Variants in NECAP1 observed in about 807,000 individuals in gnomAD.
NECAP1 encodes NECAP endocytosis associated 1.
Under a neutral mutation model 33.4 loss-of-function variants are expected in NECAP1, and 13 were observed. That is an observed-to-expected ratio of 0.39 (90% confidence interval 0.25 to 0.62). The LOEUF is 0.62. NECAP1 is among the 20% of genes least tolerant of loss of function. NECAP1 has a pLI of 0.52. For missense variants in NECAP1, 272 were observed against 347.4 expected (o/e 0.78, Z 1.73); for synonymous variants, 109 against 125.2 (o/e 0.87, Z 0.86).
Position 8,086,835 on chromosome 12 carries a change from AGGCTGAG to A in NECAP1, c.96-3099_96-3093del, listed in dbSNP as rs1947494589. On this transcript the variant is annotated intron_variant, in intron 1 of 7. Transcript: ENST00000339754. ...GTGCCTGTAATCTCAGCTACTCAGG[AGGCTGAG>A]GCAAGAGAATTGCTTGAACCCGAGG... 2.0e-5 allele frequency among the ~76,000 whole-genome samples: 3 copies of A among 151,782 alleles called. No individual in the cohort carries two copies. In the South Asian group the frequency reaches 6.2e-4, roughly 32 times the overall value.
At position 8,091,973 on chromosome 12, in the gene NECAP1, A is replaced by G. The variant is rs1947549928; in HGVS notation, c.383+123A>G. The G allele has an allele frequency of 6.0e-6, 5 of 834,746 alleles. No individual in the cohort carries two copies. In the South Asian group the frequency reaches 6.6e-5, roughly 11 times the overall value. The allele number at this position is 834,746 out of a possible 1,614,324, so 51.7% of individuals were successfully genotyped here. On this transcript the variant is annotated intron_variant, in intron 4 of 7. Transcript: ENST00000339754. The stretch of plus-strand genomic sequence containing the variant: ...TTTCTTAAACTATTTCATTGTGAAT[A>G]TAAATCTCCCCATTCACTTTTGTTT...
chr12:8,090,357 C>T, intron 3 of NECAP1, 58 bp downstream of exon 3: 1 of 1,399,934 alleles, frequency 7.1e-7, no homozygotes, highest in Non-Finnish European at 1.0e-6. Context: ...AATGCACAGC[C>T]ATGAAAAGTG....
intron 1 of NECAP1, among the ~76,000 whole-genome samples, chr12:8,085,938 C>G (rs12828623): frequency 6.6e-6 from 1 of 152,174 alleles, no homozygotes; most frequent in East Asian, 1.9e-4. Context: ...CTCCTGGCCT[C>G]AGGCAATCCA....
intron 1 of NECAP1, among the ~76,000 whole-genome samples, chr12:8,086,352 T>C (rs192526031): frequency 6.1e-4 from 93 of 152,084 alleles, no homozygotes; most frequent in Middle Eastern, 6.8e-3. Context: ...GTGGCTCATA[T>C]CTGTAATCCC....
At chr12:8,094,210 C>CT (rs1344875320) in intron 6 of NECAP1, among the ~76,000 whole-genome samples, 2 of 152,030 alleles carry the variant, frequency 1.3e-5, no homozygotes, top group Admixed American at 6.6e-5. Context: ...GGGATAGTAT[C>CT]TAAGATTTTT....
At chr12:8,084,244 G>A (rs1947468311) in intron 1 of NECAP1, among the ~76,000 whole-genome samples, 2 of 152,266 alleles carry the variant, frequency 1.3e-5, no homozygotes, top group African/African-American at 4.8e-5. Context: ...CTTTGGCAAA[G>A]AGGTAGCAGT....
chr12:8,089,008 C>T (rs2120473008), intron 1 of NECAP1: 1 of 152,300 alleles, frequency 6.6e-6, no homozygotes, highest in South Asian at 2.1e-4. Context: ...TCTTAATCTT[C>T]CTAATTTGCC....
At chr12:8,090,496 G>T (rs1264643210) in intron 3 of NECAP1, 197 bp downstream of exon 3, 3 of 561,914 alleles carry the variant, frequency 5.3e-6, no homozygotes, top group Non-Finnish European at 9.5e-6. Context: ...TCAAGATGTG[G>T]TAATTCATAT....
chr12:8,084,958 T>C (rs11057149), intron 1 of NECAP1, among the ~76,000 whole-genome samples: 2,007 of 152,270 alleles, frequency 0.013, 71 homozygotes, highest in South Asian at 0.12. Context: ...TACTTCCAAC[T>C]TTAGGAGTTA....
intron 2 of NECAP1, 43 bp downstream of exon 2, chr12:8,090,079 T>A: frequency 6.3e-7 from 1 of 1,586,472 alleles, no homozygotes; most frequent in African/African-American, 1.3e-5. Context: ...AATATTAATT[T>A]GGTGTGCTTT....
chr12:8,090,385 C>G (rs1311997898), intron 3 of NECAP1, 86 bp downstream of exon 3: 1 of 1,211,062 alleles, frequency 8.3e-7, no homozygotes, highest in Non-Finnish European at 1.2e-6. Flanking sequence ...TTGCATTTAT[C>G]TTTCTTTGGT....
At chr12:8,088,276 C>A (rs1947510118) in intron 1 of NECAP1, among the ~76,000 whole-genome samples, 1 of 152,170 alleles carries the variant, frequency 6.6e-6, no homozygotes, top group Non-Finnish European at 1.5e-5. Flanking sequence ...TCAAACTCAG[C>A]ATATTTAAAA....
rs1947562654 is a variant in NECAP1, at chr12:8,092,908, A to C, written c.529A>C (p.Arg177=). The C allele has an allele frequency of 1.3e-6, 2 of 1,583,622 alleles. No individual in the cohort carries two copies. Among genetic ancestry groups the C allele is most frequent in the Non-Finnish European group, 1.7e-6 (2 of 1,166,500 alleles). Residue 177 remains arginine, a synonymous_variant, in exon 6 of 8, where the codon AGG becomes CGG. Coordinates refer to ENST00000339754, the MANE Select transcript of NECAP1 (RefSeq NM_015509.4). ...CAAGAAAGGAGGTGCTTCTAAGCCC[A>C]GGACTGCAAGGGGTGGGGGTCTGAG... The part of the protein sequence containing the change: ...TNKKGGASKP[R]TARGGGLSLL...
intron 1 of NECAP1, chr12:8,082,663 G>C (rs987788396): frequency 2.6e-5 from 11 of 416,992 alleles, no homozygotes; most frequent in Non-Finnish European, 4.9e-5. Flanking sequence ...GCACCCATCT[G>C]CTCCCCATCA....
chr12:8,086,033 A>G (rs938157935), intron 1 of NECAP1, among the ~76,000 whole-genome samples: 2 of 152,126 alleles, frequency 1.3e-5, no homozygotes, highest in Admixed American at 1.3e-4. Context: ...GAGAATGGGC[A>G]TAATGCCTGG....
intron 1 of NECAP1, chr12:8,089,048 C>G (rs1009788871): frequency 1.3e-5 from 2 of 152,168 alleles, no homozygotes; most frequent in Non-Finnish European, 2.9e-5. Flanking sequence ...TTAGAACTCA[C>G]CACTTTCTAA....
chr12:8,084,615 A>T (rs546664566), intron 1 of NECAP1, among the ~76,000 whole-genome samples: 15 of 150,854 alleles, frequency 9.9e-5, no homozygotes, highest in Admixed American at 9.2e-4. Flanking sequence ...TCACTGTTCA[A>T]CTCCCACTTG....
chr12:8,085,265 G>T (rs749952234), intron 1 of NECAP1, among the ~76,000 whole-genome samples: 1 of 152,198 alleles, frequency 6.6e-6, no homozygotes, highest in Non-Finnish European at 1.5e-5. Context: ...TGATCCGCCT[G>T]CCTTGGCCTC....
chr12:8,084,981 G>A (rs1185740748), intron 1 of NECAP1, among the ~76,000 whole-genome samples: 1 of 151,840 alleles, frequency 6.6e-6, no homozygotes, highest in African/African-American at 2.4e-5. Context: ...ACTCCTAAAG[G>A]ATATGATACA....
Sources: allele counts gnomAD v4.1 joint callset (sites outside exome capture counted in the v4.1 genomes callset), GRCh38; gene constraint gnomAD v4.1.1; transcripts MANE v1.5; gene names NCBI Gene and HGNC (gene_info 2026-07-23, HGNC 2026-07-21).